Variants in KCNT2 observed in about 807,000 individuals in gnomAD.
The protein encoded by KCNT2 is potassium sodium-activated channel subfamily T member 2, also known as potassium channel subfamily T member 2.
Under a neutral mutation model 153.8 loss-of-function variants are expected in KCNT2, and 67 were observed. The observed-to-expected ratio is 0.44, with a 90% CI of 0.36 to 0.53. The LOEUF (loss-of-function observed/expected upper bound fraction) is 0.53. KCNT2 is among the 20% of genes least tolerant of loss of function. The pLI, the probability that KCNT2 is intolerant of heterozygous loss-of-function variation, is 0.00. For missense variants in KCNT2, 975 were observed against 1,354.8 expected, an observed-to-expected ratio of 0.72 and a Z score of 4.40; for synonymous variants, 500 against 458.8, an observed-to-expected ratio of 1.09 and a Z score of -1.15.
intron 1 of KCNT2, among the ~76,000 whole-genome samples, chr1:196,583,645 A>G (rs1482191518): frequency 6.6e-6 from 1 of 152,136 alleles, no homozygotes; most frequent in African/African-American, 2.4e-5. Context: ...TGAGTAGGAC[A>G]TAAAACAAAG....
intron 26 of KCNT2, among the ~76,000 whole-genome samples, chr1:196,248,764 T>C (rs1655674118): frequency 6.6e-6 from 1 of 152,042 alleles, no homozygotes; most frequent in Non-Finnish European, 1.5e-5. Flanking sequence ...TTCCAAAAAA[T>C]AGAAGAGGAA....
intron 25 of KCNT2, 57 bp from the exon 26 acceptor site, chr1:196,258,551 G>A (rs1281550314): frequency 1.7e-6 from 2 of 1,202,060 alleles, no homozygotes; most frequent in Non-Finnish European, 2.3e-6. Flanking sequence ...ATGGCTTGAA[G>A]TTGAAATAAT....
intron 1 of KCNT2, among the ~76,000 whole-genome samples, chr1:196,577,686 C>CTTGTG (rs1322468642): frequency 2.0e-5 from 3 of 152,172 alleles, no homozygotes; most frequent in African/African-American, 7.2e-5. Flanking sequence ...TCCGAGAGCA[C>CTTGTG]TGGTTAGAGT....
intron 26 of KCNT2, chr1:196,257,628 T>G (rs1313814876): frequency 1.1e-6 from 1 of 941,694 alleles, no homozygotes; most frequent in Non-Finnish European, 1.3e-6. Context: ...GTGTCTATAG[T>G]GTCTATATGG....
intron 8 of KCNT2, among the ~76,000 whole-genome samples, chr1:196,432,110 G>T (rs1044177993): frequency 6.6e-6 from 1 of 152,046 alleles, no homozygotes; most frequent in African/African-American, 2.4e-5. Flanking sequence ...CCCAAGTGCT[G>T]GTCAAGCAGG....
chr1:196,542,187 C>T (rs1488282827), intron 1 of KCNT2, among the ~76,000 whole-genome samples: 1 of 152,020 alleles, frequency 6.6e-6, no homozygotes, highest in Non-Finnish European at 1.5e-5. Flanking sequence ...CCAAAATCCG[C>T]CGAAAGTCTA....
chr1:196,257,601 C>T, intron 26 of KCNT2: 1 of 926,704 alleles, frequency 1.1e-6, no homozygotes. Context: ...TTAAGCTTTG[C>T]ATTATTTATT....
At chr1:196,603,859 T>TACTA (rs553446760) in intron 1 of KCNT2, among the ~76,000 whole-genome samples, 276 of 152,376 alleles carry the variant, frequency 1.8e-3, no homozygotes, top group Admixed American at 5.9e-3. Flanking sequence ...AGTTTAAAAT[T>TACTA]ACTAAATCAT....
At chr1:196,308,214 C>T (rs537178979) in intron 21 of KCNT2, among the ~76,000 whole-genome samples, 2 of 152,062 alleles carry the variant, frequency 1.3e-5, no homozygotes, top group African/African-American at 2.4e-5. Context: ...CTATAAAGCA[C>T]GGCTCTAAGA....
chr1:196,282,250 T>C (rs1659181506), intron 24 of KCNT2, 23 bp downstream of exon 24: 3 of 1,334,672 alleles, frequency 2.2e-6, no homozygotes, highest in East Asian at 2.3e-5. Context: ...AACTATCTTT[T>C]ATTCTAGAGA....
intron 13 of KCNT2, among the ~76,000 whole-genome samples, chr1:196,393,461 C>T (rs866788139): frequency 6.6e-6 from 1 of 151,642 alleles, no homozygotes; most frequent in African/African-American, 2.4e-5. Flanking sequence ...AGGAGACAAA[C>T]AGCAAACTTC....
At chr1:196,357,133 G>A (rs1458737922) in intron 14 of KCNT2, among the ~76,000 whole-genome samples, 1 of 151,802 alleles carries the variant, frequency 6.6e-6, no homozygotes, top group East Asian at 1.9e-4. Context: ...CGTTGAAGTT[G>A]TAAATATTGG....
chr1:196,302,400 A>G (rs1661267253), intron 22 of KCNT2, among the ~76,000 whole-genome samples: 1 of 152,198 alleles, frequency 6.6e-6, no homozygotes. Context: ...TAACAAAGTA[A>G]TATCGACTGG....
intron 1 of KCNT2, among the ~76,000 whole-genome samples, chr1:196,570,474 A>T (rs1660651111): frequency 6.6e-6 from 1 of 152,154 alleles, no homozygotes; most frequent in Non-Finnish European, 1.5e-5. Flanking sequence ...CAACACTTTC[A>T]TATCACATAT....
chr1:196,408,399 A>G (rs995553692), intron 12 of KCNT2, among the ~76,000 whole-genome samples: 8 of 151,600 alleles, frequency 5.3e-5, no homozygotes, highest in Non-Finnish European at 1.2e-4. Context: ...GAAGGAAACA[A>G]AGCTTGCATT....
Position 196,412,917 on chromosome 1 carries a change from T to A in KCNT2, c.1185+10133A>T, listed in dbSNP as rs1672458276. ...AAATGCACAAATGTAACTTCAAAAATGAAAATTGGGAAATGTAAAATTGAG... is the reference window on the plus strand; with the variant it reads ...AAATGCACAAATGTAACTTCAAAAAAGAAAATTGGGAAATGTAAAATTGAG... On this transcript the variant is annotated intron_variant, in intron 12 of 27. Transcript: ENST00000294725. Among the ~76,000 whole-genome samples, 11 of 151,306 alleles carry A rather than the reference T, an allele frequency of 7.3e-5. No individual in the cohort carries two copies. The South Asian group carries it at 2.3e-3, about 32-fold the overall frequency.
At chr1:196,343,882 C>A (rs1360167545) in intron 14 of KCNT2, among the ~76,000 whole-genome samples, 1 of 152,196 alleles carries the variant, frequency 6.6e-6, no homozygotes, top group Admixed American at 6.5e-5. Flanking sequence ...TGGGTTCAAG[C>A]GATTCTCCTG....
intron 15 of KCNT2, 81 bp from the exon 16 acceptor site, chr1:196,340,651 A>T: frequency 1.3e-6 from 1 of 767,480 alleles, no homozygotes; most frequent in Non-Finnish European, 2.0e-6. Flanking sequence ...TTTAAATAAT[A>T]GCATTTTAAA....
At chr1:196,422,935 A>C in intron 12 of KCNT2, 115 bp downstream of exon 12, 3 of 551,772 alleles carry the variant, frequency 5.4e-6, no homozygotes, top group Non-Finnish European at 9.6e-6. Context: ...GTTTCCTTTT[A>C]GTAAAACTTT....
Sources: gnomAD v4.1 joint callset for allele counts (sites outside exome capture counted in the v4.1 genomes callset) on GRCh38, gnomAD v4.1.1 for gene constraint, MANE v1.5 for transcripts, NCBI Gene and HGNC (gene_info 2026-07-23, HGNC 2026-07-21) for gene names.